Variants in CAPZB observed in about 807,000 individuals in gnomAD.
The protein encoded by CAPZB is capping actin protein of muscle Z-line subunit beta, also known as F-actin-capping protein subunit beta.
Under a neutral mutation model 38.1 loss-of-function variants are expected in CAPZB, and 2 were observed. The observed-to-expected ratio is 0.05, with a 90% CI of 0.02 to 0.17. The LOEUF (loss-of-function observed/expected upper bound fraction) is 0.17. Ranked by LOEUF, CAPZB falls within the 10% of genes least tolerant of loss-of-function variation. CAPZB has a pLI of 1.00. For synonymous variants in CAPZB, 107 were observed against 127.4 expected, an observed-to-expected ratio of 0.84 and a Z score of 1.08; for missense variants, 161 against 334.2, an observed-to-expected ratio of 0.48 and a Z score of 4.04.
At chr1:19,452,843 G>A (rs543113831) in intron 1 of CAPZB, among the ~76,000 whole-genome samples, 167 of 137,104 alleles carry the variant, frequency 1.2e-3, no homozygotes, top group African/African-American at 4.4e-3. Context: ...TCACTCTGTC[G>A]CCCAGGCTAG....
chr1:19,401,423 C>A (rs939258536), intron 2 of CAPZB, among the ~76,000 whole-genome samples: 2 of 152,140 alleles, frequency 1.3e-5, no homozygotes, highest in African/African-American at 4.8e-5. Context: ...CCTTGGTCTC[C>A]GGAATGGAAA....
At chr1:19,445,697 G>A (rs2094493610) in intron 1 of CAPZB, among the ~76,000 whole-genome samples, 1 of 152,198 alleles carries the variant, frequency 6.6e-6, no homozygotes, top group African/African-American at 2.4e-5. Flanking sequence ...GCTGGGGCAG[G>A]AGTGGGCATG....
At chr1:19,362,273 G>A (rs575224808) in intron 4 of CAPZB, among the ~76,000 whole-genome samples, 1 of 152,154 alleles carries the variant, frequency 6.6e-6, no homozygotes, top group Non-Finnish European at 1.5e-5. Flanking sequence ...GTCTCGCTCT[G>A]TCGCCCAGGC....
chr1:19,378,690 G>A (rs369945971), intron 3 of CAPZB, 37 bp from the exon 4 acceptor site: 101 of 1,150,116 alleles, frequency 8.8e-5, no homozygotes, highest in South Asian at 6.3e-4. Context: ...ACCATGAATC[G>A]TTCCATGAAG....
intron 4 of CAPZB, among the ~76,000 whole-genome samples, chr1:19,372,390 T>G (rs2094123856): frequency 6.6e-6 from 1 of 152,226 alleles, no homozygotes; most frequent in Non-Finnish European, 1.5e-5. Context: ...GTGCCAGCCC[T>G]TTGGTCAGAA....
chr1:19,391,966 A>C (rs2094238212), intron 2 of CAPZB, among the ~76,000 whole-genome samples: 1 of 152,136 alleles, frequency 6.6e-6, no homozygotes, highest in African/African-American at 2.4e-5. Flanking sequence ...GGATCACTTG[A>C]GTTCAGGAGT....
chr1:19,443,851 G>C (rs1490154781), intron 1 of CAPZB, among the ~76,000 whole-genome samples: 1 of 152,206 alleles, frequency 6.6e-6, no homozygotes, highest in African/African-American at 2.4e-5. Flanking sequence ...GGCACTCTGT[G>C]ATGAAAGCTA....
intron 3 of CAPZB, 81 bp from the exon 4 acceptor site, chr1:19,378,734 C>T: frequency 5.2e-6 from 4 of 776,422 alleles, no homozygotes; most frequent in Non-Finnish European, 8.8e-6. Flanking sequence ...TGAGCCCTGG[C>T]TATCTGAAAT....
chr1:19,430,727 TGCACCC>T (rs1419203221), intron 1 of CAPZB, among the ~76,000 whole-genome samples: 4 of 152,024 alleles, frequency 2.6e-5, no homozygotes, highest in African/African-American at 7.2e-5. Flanking sequence ...CACCCGCACC[TGCACCC>T]GCACCTCAGA....
intron 1 of CAPZB, chr1:19,484,694 G>A (rs2094644524): frequency 1.8e-6 from 2 of 1,120,314 alleles, no homozygotes; most frequent in Non-Finnish European, 2.2e-6. Context: ...ACCAGGCAGG[G>A]GGCAGGACCC....
intron 1 of CAPZB, among the ~76,000 whole-genome samples, chr1:19,475,687 C>A (rs1246743687): frequency 6.6e-6 from 1 of 152,216 alleles, no homozygotes; most frequent in Non-Finnish European, 1.5e-5. Context: ...GCTAGTCTCA[C>A]AGTGGAATTG....
chr1:19,408,883 G>T (rs2094345126), intron 2 of CAPZB, among the ~76,000 whole-genome samples: 1 of 152,154 alleles, frequency 6.6e-6, no homozygotes, highest in East Asian at 1.9e-4. Flanking sequence ...CCCTCCTATT[G>T]AAGCAGCAGG....
At chr1:19,384,689 A>C (rs1168418703) in intron 3 of CAPZB, among the ~76,000 whole-genome samples, 1 of 152,174 alleles carries the variant, frequency 6.6e-6, no homozygotes, top group African/African-American at 2.4e-5. Flanking sequence ...GTCTCCAAAT[A>C]AACCTAAAGC....
chr1:19,361,392 C>A lies in CAPZB; in HGVS notation c.330-3829G>T, dbSNP rs555728166. Among the ~76,000 whole-genome samples the A allele has an allele frequency of 4.6e-5, 7 of 152,346 alleles. 1 individual carries two copies. In the South Asian group the frequency reaches 1.4e-3, roughly 32 times the overall value. ...CAAAAGGGATCTCCAGGGACTGGAGCAGCCACAAGTCTCAACCTGACATTC... is the reference window on the plus strand; with the variant it reads ...CAAAAGGGATCTCCAGGGACTGGAGAAGCCACAAGTCTCAACCTGACATTC... On this transcript the variant is annotated intron_variant, in intron 4 of 8. Transcript: ENST00000264202.
At chr1:19,342,367 TCA>T (rs2093934369) in intron 8 of CAPZB, among the ~76,000 whole-genome samples, 1 of 152,220 alleles carries the variant, frequency 6.6e-6, no homozygotes, top group South Asian at 2.1e-4. Context: ...TGCACCAGCA[TCA>T]GAGGCTCCTC....
chr1:19,454,911 A>G (rs548910265), intron 1 of CAPZB, among the ~76,000 whole-genome samples: 1 of 152,376 alleles, frequency 6.6e-6, no homozygotes, highest in African/African-American at 2.4e-5. Context: ...AACTGCAGAC[A>G]TCAGCAGGAG....
At chr1:19,429,003 T>G (rs2094433533) in intron 1 of CAPZB, among the ~76,000 whole-genome samples, 1 of 152,194 alleles carries the variant, frequency 6.6e-6, no homozygotes, top group Non-Finnish European at 1.5e-5. Context: ...TTAAAAAAAT[T>G]CTAGAAGACA....
At chr1:19,418,560 A>C (rs1455822923) in intron 2 of CAPZB, among the ~76,000 whole-genome samples, 2 of 152,096 alleles carry the variant, frequency 1.3e-5, no homozygotes, top group East Asian at 3.8e-4. Flanking sequence ...CTTTCTTCCC[A>C]CTTCCTGAAT....
chr1:19,446,558 T>A (rs543103642), intron 1 of CAPZB, among the ~76,000 whole-genome samples: 162 of 152,212 alleles, frequency 1.1e-3, no homozygotes, highest in African/African-American at 3.7e-3. Context: ...CTCCTAGGAA[T>A]CTACCCTAAT....
Sources: allele counts gnomAD v4.1 joint callset (sites outside exome capture counted in the v4.1 genomes callset), GRCh38; gene constraint gnomAD v4.1.1; transcripts MANE v1.5; gene names NCBI Gene and HGNC (gene_info 2026-07-23, HGNC 2026-07-21).